The following PDZRN4 variants were observed in gnomAD, a reference collection of about 807,000 sequenced individuals.
PDZRN4 encodes the protein PDZ domain-containing RING finger protein 4.
PDZRN4 carries 70 observed loss-of-function variants against 99.0 expected under a neutral mutation model. The observed-to-expected ratio is 0.71, with a 90% CI of 0.58 to 0.86. The LOEUF (loss-of-function observed/expected upper bound fraction) is 0.86, where lower values mean the gene tolerates loss of function less well. Ranked by LOEUF, PDZRN4 falls within the 40% of genes least tolerant of loss-of-function variation. The pLI, the probability that PDZRN4 is intolerant of heterozygous loss-of-function variation, is 0.00. For synonymous variants in PDZRN4, 551 were observed against 501.6 expected, an observed-to-expected ratio of 1.10 and a Z score of -1.32; for missense variants, 1,474 against 1,331.2, an observed-to-expected ratio of 1.11 and a Z score of -1.67.
intron 5 of PDZRN4, among the ~76,000 whole-genome samples, chr12:41,515,067 G>GA (rs1400366439): frequency 3.3e-5 from 5 of 152,064 alleles, no homozygotes; most frequent in Admixed American, 3.3e-4. Context: ...CACTGCAACA[G>GA]ACAGGGAAAT....
At chr12:41,237,709 A>G (rs923897353) in intron 3 of PDZRN4, among the ~76,000 whole-genome samples, 4 of 152,178 alleles carry the variant, frequency 2.6e-5, no homozygotes, top group Non-Finnish European at 5.9e-5. Context: ...TCCCAGCACC[A>G]TTAATTAAAT....
At chr12:41,254,329 C>T (rs539131626) in intron 3 of PDZRN4, among the ~76,000 whole-genome samples, 114 of 152,158 alleles carry the variant, frequency 7.5e-4, no homozygotes, top group African/African-American at 2.5e-3. Context: ...AATAGGTAGG[C>T]TTTAAAAAAC....
chr12:41,554,959 A>G lies in PDZRN4; in HGVS notation c.1303-739A>G, dbSNP rs576139362. 7.9e-5 allele frequency among the ~76,000 whole-genome samples: 12 copies of G among 151,246 alleles called. No homozygotes were observed. The East Asian group carries it at 2.4e-3, about 30-fold the overall frequency. On this transcript the variant is annotated intron_variant, in intron 6 of 9. Coordinates refer to ENST00000402685, the MANE Select transcript of PDZRN4 (RefSeq NM_001164595.2). The stretch of plus-strand genomic sequence containing the variant: ...CGCGGTGGCTCACGCCTGTAATCCT[A>G]GCACTTTGGGAGGCCAAGGCGGGCG...
intron 5 of PDZRN4, among the ~76,000 whole-genome samples, chr12:41,529,889 C>T (rs1170351466): frequency 6.6e-6 from 1 of 152,118 alleles, no homozygotes; most frequent in Non-Finnish European, 1.5e-5. Context: ...TGTTCTGATG[C>T]CCACTCTCTT....
intron 4 of PDZRN4, among the ~76,000 whole-genome samples, chr12:41,508,571 A>C (rs1938248321): frequency 1.3e-5 from 2 of 152,174 alleles, no homozygotes; most frequent in African/African-American, 4.8e-5. Context: ...GACAAGGGAA[A>C]CACATCAGAT....
chr12:41,487,232 A>C (rs1197323057), intron 3 of PDZRN4, among the ~76,000 whole-genome samples: 1 of 148,380 alleles, frequency 6.7e-6, no homozygotes, highest in East Asian at 2.0e-4. Context: ...AAGGTCTGGC[A>C]CATGGCTGGT....
At chr12:41,460,064 A>C (rs1198010657) in intron 3 of PDZRN4, 1 of 1,284,870 alleles carries the variant, frequency 7.8e-7, no homozygotes, top group East Asian at 5.6e-5. Flanking sequence ...CTCCTTGTGA[A>C]TGAGTGGTAA....
intron 3 of PDZRN4, among the ~76,000 whole-genome samples, chr12:41,465,362 T>C (rs550549701): frequency 1.6e-4 from 24 of 152,342 alleles, no homozygotes; most frequent in South Asian, 1.0e-3. Context: ...GAGATTTCAC[T>C]TGTAGTTGCT....
chr12:41,238,331 G>C (rs1951080067), intron 3 of PDZRN4, among the ~76,000 whole-genome samples: 1 of 152,054 alleles, frequency 6.6e-6, no homozygotes, highest in Non-Finnish European at 1.5e-5. Context: ...TTTGTATCCT[G>C]AGACTTTGCA....
At chr12:41,369,127 A>G (rs1285406581) in intron 3 of PDZRN4, among the ~76,000 whole-genome samples, 1 of 152,158 alleles carries the variant, frequency 6.6e-6, no homozygotes, top group Admixed American at 6.6e-5. Flanking sequence ...ATATAAAAAC[A>G]GTATTGAGTA....
chr12:41,290,723 G>A (rs1391736551), intron 3 of PDZRN4, among the ~76,000 whole-genome samples: 1 of 151,928 alleles, frequency 6.6e-6, no homozygotes, highest in East Asian at 1.9e-4. Flanking sequence ...CCTACTCTCA[G>A]AAAAATAGGT....
chr12:41,252,052 G>T (rs1428025970), intron 3 of PDZRN4, among the ~76,000 whole-genome samples: 1 of 151,986 alleles, frequency 6.6e-6, no homozygotes, highest in Non-Finnish European at 1.5e-5. Context: ...GGAGATAGAG[G>T]ATGCAGTAAG....
chr12:41,513,365 G>C (rs1938342781), intron 5 of PDZRN4, among the ~76,000 whole-genome samples: 1 of 151,996 alleles, frequency 6.6e-6, no homozygotes, highest in South Asian at 2.1e-4. Flanking sequence ...AAAAATATTT[G>C]ACTGGGTTTA....
At chr12:41,285,936 C>A (rs539290549) in intron 3 of PDZRN4, among the ~76,000 whole-genome samples, 1 of 152,068 alleles carries the variant, frequency 6.6e-6, no homozygotes, top group South Asian at 2.1e-4. Flanking sequence ...ACCACCATGG[C>A]ACATGTATAC....
At chr12:41,245,083 A>C (rs1951126165) in intron 3 of PDZRN4, among the ~76,000 whole-genome samples, 1 of 152,162 alleles carries the variant, frequency 6.6e-6, no homozygotes, top group African/African-American at 2.4e-5. Context: ...ATAAGATAGC[A>C]TTCCTAGTTA....
At chr12:41,390,681 G>T (rs552985640) in intron 3 of PDZRN4, among the ~76,000 whole-genome samples, 3 of 151,428 alleles carry the variant, frequency 2.0e-5, no homozygotes, top group Non-Finnish European at 4.4e-5. Flanking sequence ...AATATTCAAC[G>T]CAGTCTTAAA....
At chr12:41,431,404 A>G (rs1283330836) in intron 3 of PDZRN4, among the ~76,000 whole-genome samples, 1 of 152,204 alleles carries the variant, frequency 6.6e-6, no homozygotes, top group Non-Finnish European at 1.5e-5. Context: ...CATTACATCA[A>G]TAGAGATCAG....
chr12:41,194,077 A>G lies in PDZRN4; in HGVS notation c.736-4A>G. 1 of 1,351,252 alleles carries G rather than the reference A, an allele frequency of 7.4e-7. No individual in the cohort carries two copies. Among genetic ancestry groups the G allele is most frequent in the Non-Finnish European group, 1.0e-6 (1 of 957,476 alleles). The allele number at this position is 1,351,252 out of a possible 1,614,324, so 83.7% of individuals were successfully genotyped here. A position where few individuals can be genotyped will look rare whatever the true frequency, so the allele number is the denominator to read the frequency against. On this transcript the variant is annotated splice_region_variant and splice_polypyrimidine_tract_variant and intron_variant, in intron 2 of 9. Coordinates refer to ENST00000402685, the MANE Select transcript of PDZRN4 (RefSeq NM_001164595.2). ...TTCTTCTGCTAATGATTTTTTAAAA[A>G]TAGAATAATCAGGAAGGAACATCGA...
intron 3 of PDZRN4, among the ~76,000 whole-genome samples, chr12:41,251,988 T>A (rs572629243): frequency 5.3e-5 from 8 of 152,012 alleles, no homozygotes; most frequent in Non-Finnish European, 8.8e-5. Context: ...TGGTAGTATG[T>A]GCCTGTAGTC....
Sources: allele counts gnomAD v4.1 joint callset (sites outside exome capture counted in the v4.1 genomes callset), GRCh38; gene constraint gnomAD v4.1.1; transcripts MANE v1.5; gene names NCBI Gene and HGNC (gene_info 2026-07-23, HGNC 2026-07-21).